Variants in KCNU1 observed in about 807,000 individuals in gnomAD.
KCNU1 encodes the protein potassium calcium-activated channel subfamily U member 1.
In KCNU1, 93 loss-of-function variants were observed where a neutral mutation model predicts 126.8. The ratio of observed to expected loss-of-function variants is 0.73; its 90% CI spans 0.62 to 0.87. The LOEUF (loss-of-function observed/expected upper bound fraction) is 0.87, where lower values mean the gene tolerates loss of function less well. KCNU1 is among the 40% of genes least tolerant of loss of function. The pLI, the probability that KCNU1 is intolerant of heterozygous loss-of-function variation, is 0.00. For missense variants in KCNU1, 1,330 were observed against 1,367.1 expected (o/e 0.97, Z 0.43); for synonymous variants, 523 against 494.2 (o/e 1.06, Z -0.77).
chr8:36,868,526 G>A (rs530570327), intron 19 of KCNU1, among the ~76,000 whole-genome samples: 2 of 152,064 alleles, frequency 1.3e-5, no homozygotes, highest in East Asian at 3.9e-4. Context: ...GTAATCTTCA[G>A]GCCACCAGTG....
intron 10 of KCNU1, among the ~76,000 whole-genome samples, chr8:36,818,477 A>C (rs1223797936): frequency 6.6e-6 from 1 of 151,802 alleles, no homozygotes; most frequent in Non-Finnish European, 1.5e-5. Flanking sequence ...TTTTCTTCCA[A>C]CTTCACCTTT....
intron 24 of KCNU1, among the ~76,000 whole-genome samples, chr8:36,923,473 C>T (rs2117591786): frequency 6.6e-6 from 1 of 152,210 alleles, no homozygotes; most frequent in South Asian, 2.1e-4. Flanking sequence ...CAGCATGTGA[C>T]CCCAGCTCTG....
chr8:36,894,433 G>C (rs1022915401), intron 19 of KCNU1, among the ~76,000 whole-genome samples: 5 of 152,124 alleles, frequency 3.3e-5, no homozygotes, highest in Admixed American at 3.3e-4. Context: ...AATTGTGTTT[G>C]ATTGCAGCAG....
chr8:36,833,148 A>G (rs1240648535), intron 10 of KCNU1, among the ~76,000 whole-genome samples: 1 of 152,156 alleles, frequency 6.6e-6, no homozygotes, highest in Non-Finnish European at 1.5e-5. Flanking sequence ...TTCAGAATTT[A>G]TAAATATTAA....
chr8:36,846,788 GAAA>G (rs373337302), intron 18 of KCNU1, among the ~76,000 whole-genome samples: 2 of 110,258 alleles, frequency 1.8e-5, no homozygotes, highest in African/African-American at 3.6e-5. Flanking sequence ...GCGACAGAGC[GAAA>G]AAAAAAAAAA....
At chr8:36,852,930 A>T (rs1012716178) in intron 18 of KCNU1, among the ~76,000 whole-genome samples, 1 of 151,918 alleles carries the variant, frequency 6.6e-6, no homozygotes, top group Admixed American at 6.6e-5. Flanking sequence ...TTTTCATTCT[A>T]ATTTTTATTA....
chr8:36,836,139 C>G (rs1050097409), intron 12 of KCNU1, among the ~76,000 whole-genome samples, 157 bp from the exon 13 acceptor site: 27 of 152,112 alleles, frequency 1.8e-4, no homozygotes, highest in African/African-American at 6.0e-4. Context: ...GTGTAGGCTA[C>G]TAAAAACATT....
chr8:36,844,425 T>A (rs1055253766), intron 16 of KCNU1, among the ~76,000 whole-genome samples: 4 of 151,938 alleles, frequency 2.6e-5, no homozygotes, highest in South Asian at 2.1e-4. Flanking sequence ...CAACTAAGCA[T>A]GCATCTGCTA....
intron 6 of KCNU1, among the ~76,000 whole-genome samples, chr8:36,808,494 C>A (rs975903883): frequency 1.3e-5 from 2 of 152,072 alleles, no homozygotes; most frequent in Non-Finnish European, 2.9e-5. Flanking sequence ...AGCTGTGTTT[C>A]TCAACCTCTA....
intron 20 of KCNU1, among the ~76,000 whole-genome samples, chr8:36,907,651 A>T (rs1178596235): frequency 1.3e-5 from 2 of 152,182 alleles, no homozygotes; most frequent in Admixed American, 1.3e-4. Flanking sequence ...GTAAACTTTA[A>T]TTGTTGAAAT....
chr8:36,799,540 A>AT lies in KCNU1; in HGVS notation c.316-4476dup, dbSNP rs953689276. ...TTCCCTTGCATTTAACCTCCCTGCC[A>AT]TTTTTTTTTTTGATGGAGTATCACT... On this transcript the variant is annotated intron_variant, in intron 2 of 26. Transcript: ENST00000399881. Among the ~76,000 whole-genome samples the AT allele has an allele frequency of 6.3e-3, 888 of 141,858 alleles. 7 individuals are homozygous for AT. The highest frequency in any genetic ancestry group is 0.011 in the African/African-American group (421 of 38,908). The allele number at this position is 141,858 out of a possible 152,430, so 93.1% of individuals were successfully genotyped here. A position where few individuals can be genotyped will look rare whatever the true frequency, so the allele number is the denominator to read the frequency against.
At chr8:36,836,262 A>G (rs746978357) in intron 12 of KCNU1, 34 bp from the exon 13 acceptor site, 1 of 1,368,534 alleles carries the variant, frequency 7.3e-7, no homozygotes, top group Non-Finnish European at 1.0e-6. Context: ...TGGCTATGAC[A>G]CATGACTAAT....
At chr8:36,921,740 G>A (rs920780058) in intron 23 of KCNU1, among the ~76,000 whole-genome samples, 12 of 151,856 alleles carry the variant, frequency 7.9e-5, no homozygotes, top group Admixed American at 2.0e-4. Flanking sequence ...AGTGACCAGC[G>A]GTATTCACCT....
At chr8:36,827,058 A>C (rs765276892) in intron 10 of KCNU1, among the ~76,000 whole-genome samples, 1 of 152,116 alleles carries the variant, frequency 6.6e-6, no homozygotes, top group African/African-American at 2.4e-5. Context: ...GTGTGTGCCT[A>C]TTGTCTTACA....
chr8:36,930,631 A>G (rs1046552523), intron 24 of KCNU1, among the ~76,000 whole-genome samples: 4 of 152,212 alleles, frequency 2.6e-5, no homozygotes, highest in Non-Finnish European at 5.9e-5. Context: ...GTGACCTGAC[A>G]TGTATACCCC....
chr8:36,870,482 T>C (rs1295975146), intron 19 of KCNU1, among the ~76,000 whole-genome samples: 9 of 152,152 alleles, frequency 5.9e-5, no homozygotes. Context: ...TTCCAAACTA[T>C]TCAGGCAAGA....
At chr8:36,804,966 AT>A (rs940110380) in intron 3 of KCNU1, among the ~76,000 whole-genome samples, 3 of 152,164 alleles carry the variant, frequency 2.0e-5, no homozygotes, top group African/African-American at 7.2e-5. Context: ...TACAAAACAA[AT>A]TATGGGTAAT....
In KCNU1 at chr8:36,840,448, G is replaced by T. The variant is rs576781919; in HGVS notation, c.1519-15G>T. 1 of 1,282,864 alleles carries T rather than the reference G, an allele frequency of 7.8e-7. No individual in the cohort carries two copies. Among genetic ancestry groups the T allele is most frequent in the East Asian group, 2.3e-5 (1 of 43,082 alleles). 79.5% of individuals were successfully genotyped at this position (1,282,864 alleles called of 1,614,324 possible). ...CTTGTCGTTTTGCTTCGTGTGGCAT[G>T]ATTATGTATTCCAGGTTATGCCTAA... On this transcript the variant is annotated splice_polypyrimidine_tract_variant and intron_variant, in intron 14 of 26. Coordinates refer to ENST00000399881, the MANE Select transcript of KCNU1 (RefSeq NM_001031836.3).
chr8:36,834,827 G>T lies in KCNU1; in HGVS notation c.1254G>T (p.Leu418Phe). The T allele has an allele frequency of 6.2e-7, 1 of 1,612,456 alleles. No homozygotes were observed. Among genetic ancestry groups the T allele is most frequent in the Admixed American group, 1.7e-5 (1 of 59,904 alleles). ...AEACLIIANP[L>F]CSDSHAEDIS... is the part of the protein sequence containing the mutation. ...CATGCCTGATTATAGCCAATCCTTT[G>T]TGCAGTGATTCCCATGCTGAAGATA... Residue 418 changes from leucine to phenylalanine, a missense_variant, in exon 12 of 27, where the codon TTG becomes TTT. Transcript: ENST00000399881.
Sources: allele counts gnomAD v4.1 joint callset (sites outside exome capture counted in the v4.1 genomes callset), GRCh38; gene constraint gnomAD v4.1.1; transcripts MANE v1.5; gene names NCBI Gene and HGNC (gene_info 2026-07-23, HGNC 2026-07-21).